DOCK2: variants seen among roughly 807,000 people sequenced by gnomAD.
The protein encoded by DOCK2 is dedicator of cytokinesis protein 2.
Under a neutral mutation model 248.9 loss-of-function variants are expected in DOCK2, and 87 were observed. That is an observed-to-expected ratio of 0.35 (90% CI 0.29 to 0.42). DOCK2 has a LOEUF of 0.42. Ranked by LOEUF, DOCK2 falls within the 10% of genes least tolerant of loss-of-function variation. The probability of loss-of-function intolerance (pLI) is 1.00; values close to 1 mark genes in which losing one functional copy is unlikely to be tolerated. For synonymous variants in DOCK2, 805 were observed against 821.6 expected, an observed-to-expected ratio of 0.98 and a Z score of 0.35; for missense variants, 1,747 against 2,300.2, an observed-to-expected ratio of 0.76 and a Z score of 4.92.
intron 22 of DOCK2, among the ~76,000 whole-genome samples, chr5:169,735,225 G>A (rs925746035): frequency 5.3e-5 from 8 of 152,068 alleles, no homozygotes; most frequent in Non-Finnish European, 1.2e-4. Flanking sequence ...TGGCCTGCAA[G>A]GGTCTCCTGG....
chr5:170,049,304 G>A (rs1368225086), intron 40 of DOCK2, among the ~76,000 whole-genome samples: 11 of 152,120 alleles, frequency 7.2e-5, no homozygotes, highest in African/African-American at 2.4e-5. Flanking sequence ...TAGTAGAGAC[G>A]GTGTTTCACC....
chr5:169,829,263 T>A (rs1769073552), intron 26 of DOCK2, among the ~76,000 whole-genome samples: 1 of 152,180 alleles, frequency 6.6e-6, no homozygotes, highest in Non-Finnish European at 1.5e-5. Flanking sequence ...CATGGATGCA[T>A]GTTTTGAAAT....
intron 27 of DOCK2, chr5:169,882,466 A>T: frequency 8.7e-7 from 1 of 1,143,090 alleles, no homozygotes; most frequent in Non-Finnish European, 1.2e-6. Flanking sequence ...AGACATTTTT[A>T]CTAAAAGAAA....
At chr5:170,076,134 C>A in intron 47 of DOCK2, 50 bp downstream of exon 47, 1 of 1,589,148 alleles carries the variant, frequency 6.3e-7, no homozygotes, top group Non-Finnish European at 8.6e-7. Context: ...CAGGGTGGGG[C>A]AGGGAAGCAT....
At chr5:169,694,438 G>A (rs1184460396) in intron 9 of DOCK2, among the ~76,000 whole-genome samples, 1 of 152,174 alleles carries the variant, frequency 6.6e-6, no homozygotes, top group Non-Finnish European at 1.5e-5. Context: ...TGATGGCAAG[G>A]GAGCTGTACT....
Position 169,887,937 on chromosome 5 carries a change from G to A in DOCK2, c.2799+47085G>A, listed in dbSNP as rs553609965. 7.2e-5 allele frequency among the ~76,000 whole-genome samples: 11 copies of A among 152,260 alleles called. 1 individual carries two copies. In the South Asian group the frequency reaches 1.4e-3, roughly 20 times the overall value. The stretch of plus-strand genomic sequence containing the variant: ...ATTGTTTTTAATCATTGCCAATAAA[G>A]TAGAAAAGAAATTGTATCTCATTAT... On this transcript the variant is annotated intron_variant, in intron 27 of 51. Coordinates refer to ENST00000520908, the MANE Select transcript of DOCK2 (RefSeq NM_004946.3).
intron 26 of DOCK2, among the ~76,000 whole-genome samples, chr5:169,828,445 T>C (rs1769014339): frequency 6.6e-6 from 1 of 152,028 alleles, no homozygotes; most frequent in Admixed American, 6.6e-5. Context: ...TTGGAAGGGA[T>C]TTGTGGGAGA....
At chr5:169,768,694 A>T (rs1037125198) in intron 25 of DOCK2, among the ~76,000 whole-genome samples, 1 of 152,196 alleles carries the variant, frequency 6.6e-6, no homozygotes, top group Non-Finnish European at 1.5e-5. Context: ...GAATGTTGAC[A>T]TGAGGCTCTG....
At chr5:169,903,114 A>G (rs569009344) in intron 27 of DOCK2, among the ~76,000 whole-genome samples, 19 of 151,806 alleles carry the variant, frequency 1.3e-4, no homozygotes, top group African/African-American at 4.6e-4. Context: ...AAAGAAAGAA[A>G]GGGGTGAATT....
At position 170,067,600 on chromosome 5, in the gene DOCK2, G is replaced by A; in HGVS notation, c.4558G>A (p.Glu1520Lys). 1 of 1,614,188 alleles carries A rather than the reference G, an allele frequency of 6.2e-7. No individual in the cohort carries two copies. Among genetic ancestry groups the A allele is most frequent in the Non-Finnish European group, 8.5e-7 (1 of 1,180,028 alleles). ...LMMINQYQSD[E>K]TLPINPLSML... ...GATGATAAACCAGTACCAGAGTGATGAGACCCTCCCCATCAACCCACTCTC... is the reference window on the plus strand; with the variant it reads ...GATGATAAACCAGTACCAGAGTGATAAGACCCTCCCCATCAACCCACTCTC... The change falls in exon 45 of 52, where the codon GAG becomes AAG. Residue 1520 changes from glutamate to lysine, a missense_variant. Coordinates refer to ENST00000520908, the MANE Select transcript of DOCK2 (RefSeq NM_004946.3).
At chr5:169,917,707 C>G (rs559106872) in intron 27 of DOCK2, among the ~76,000 whole-genome samples, 8 of 152,186 alleles carry the variant, frequency 5.3e-5, no homozygotes, top group African/African-American at 1.9e-4. Context: ...AGGGTAGGTC[C>G]ACAGGGAAGA....
rs371800125 is a variant in DOCK2, at chr5:169,981,645, C to T, written c.2800-1423C>T. On this transcript the variant is annotated intron_variant, in intron 27 of 51. Coordinates refer to ENST00000520908, the MANE Select transcript of DOCK2 (RefSeq NM_004946.3). ...ACTGTTGTCTTTTTTTAAGAAATTG[C>T]CACAGCCACTCTAGTCTTCAGCAAC... Among the ~76,000 whole-genome samples, 18 of 152,138 alleles carry T rather than the reference C, an allele frequency of 1.2e-4. No individual in the cohort carries two copies. In the South Asian group the frequency reaches 3.5e-3, roughly 30 times the overall value.
At chr5:169,996,801 A>C (rs560412339) in intron 30 of DOCK2, among the ~76,000 whole-genome samples, 1 of 152,168 alleles carries the variant, frequency 6.6e-6, no homozygotes, top group Middle Eastern at 3.2e-3. Context: ...CCTAGCATCT[A>C]TCTCTTCCAG....
intron 25 of DOCK2, among the ~76,000 whole-genome samples, chr5:169,768,568 C>G (rs866578035): frequency 1.3e-5 from 2 of 152,140 alleles, no homozygotes; most frequent in Non-Finnish European, 2.9e-5. Flanking sequence ...CACAGGGACC[C>G]TTGCCTGGGA....
At chr5:169,902,969 A>G (rs542772381) in intron 27 of DOCK2, among the ~76,000 whole-genome samples, 17 of 152,156 alleles carry the variant, frequency 1.1e-4, no homozygotes, top group East Asian at 5.8e-4. Context: ...GTGGTGGCAC[A>G]TGCCTGTAGT....
intron 27 of DOCK2, among the ~76,000 whole-genome samples, chr5:169,846,664 A>G (rs1332888544): frequency 3.3e-5 from 5 of 152,066 alleles, no homozygotes; most frequent in African/African-American, 1.2e-4. Context: ...ACACACATAT[A>G]TATATATACA....
chr5:169,970,887 T>A (rs1777478098), intron 27 of DOCK2, among the ~76,000 whole-genome samples: 1 of 152,016 alleles, frequency 6.6e-6, no homozygotes, highest in Non-Finnish European at 1.5e-5. Flanking sequence ...TTTAATTGAG[T>A]GTGGATCCGA....
intron 27 of DOCK2, among the ~76,000 whole-genome samples, chr5:169,967,680 A>T (rs1019784047): frequency 6.6e-6 from 1 of 152,100 alleles, no homozygotes; most frequent in Admixed American, 6.6e-5. Context: ...TGCAACAGGG[A>T]GAATTGATTA....
At chr5:169,671,254 A>C in intron 5 of DOCK2, 80 bp downstream of exon 5, 1 of 1,373,556 alleles carries the variant, frequency 7.3e-7, no homozygotes, top group Non-Finnish European at 1.0e-6. Flanking sequence ...TTTAGCATTG[A>C]GTCAGGCAGG....
Sources: gnomAD v4.1 joint callset for allele counts (sites outside exome capture counted in the v4.1 genomes callset) on GRCh38, gnomAD v4.1.1 for gene constraint, MANE v1.5 for transcripts, NCBI Gene and HGNC (gene_info 2026-07-23, HGNC 2026-07-21) for gene names.